The following CEP250 variants were observed in gnomAD, a reference collection of about 807,000 sequenced individuals.
CEP250 encodes the protein centrosomal protein 250, also known as centrosome-associated protein CEP250.
A neutral mutation model predicts 315.7 loss-of-function variants in CEP250; 242 were observed. That is an observed-to-expected ratio of 0.77 (90% confidence interval 0.69 to 0.85). CEP250 has a LOEUF of 0.85. Ranked by LOEUF, CEP250 falls within the 40% of genes least tolerant of loss-of-function variation. The pLI, the probability that CEP250 is intolerant of heterozygous loss-of-function variation, is 0.00. For missense variants in CEP250, 2,515 were observed against 2,886.4 expected, an observed-to-expected ratio of 0.87 and a Z score of 2.95; for synonymous variants, 1,088 against 1,175.0, an observed-to-expected ratio of 0.93 and a Z score of 1.51.
In CEP250 at chr20:35,518,851, G is replaced by A. The variant is rs954903166; in HGVS notation, c.*7225G>A. On this transcript the variant is annotated 3_prime_UTR_variant, in exon 35 of 35. Transcript: ENST00000397527. ...GTTGGAGACCAGCCTGGGCAACATG[G>A]TGAAACCCCGTCTCTACTAAAATAC... 1 of 152,084 alleles carries A rather than the reference G, an allele frequency of 6.6e-6. No homozygotes were observed. The highest frequency in any genetic ancestry group is 1.5e-5 in the Non-Finnish European group (1 of 68,052). 9.4% of individuals were successfully genotyped at this position (152,084 alleles called of 1,614,324 possible).
chr20:35,504,295 G>C lies in CEP250; in HGVS notation c.5926G>C (p.Ala1976Pro). ...LQEALGKAHA[A>P]LQGKEQHLLE... ...GGAGGCCCTTGGCAAGGCTCATGCT[G>C]CCCTGCAGGGGAAAGAGCAGCATCT... The change falls in exon 30 of 35, where the codon GCC becomes CCC. Residue 1976 changes from alanine to proline, a missense_variant. Coordinates refer to ENST00000397527, the MANE Select transcript of CEP250 (RefSeq NM_007186.6). The C allele has an allele frequency of 6.3e-7, 1 of 1,587,210 alleles. No individual in the cohort carries two copies. The highest frequency in any genetic ancestry group is 8.6e-7 in the Non-Finnish European group (1 of 1,167,128).
intron 9 of CEP250, among the ~76,000 whole-genome samples, chr20:35,468,672 A>G (rs1183854835): frequency 6.6e-6 from 1 of 151,976 alleles, no homozygotes; most frequent in South Asian, 2.1e-4. Context: ...GACACTCAAT[A>G]CATTTTGTTT....
At position 35,464,648 on chromosome 20, in the gene CEP250, C is replaced by T. The variant is rs904381043; in HGVS notation, c.243+1017C>T. On this transcript the variant is annotated intron_variant, in intron 5 of 34. Transcript: ENST00000397527. The stretch of plus-strand genomic sequence containing the variant: ...TCATAAGTTGAAAATGTCAGCCAGG[C>T]GCAGTGGCTCATGCCTGTAATCCCA... 1.6e-4 allele frequency among the ~76,000 whole-genome samples: 25 copies of T among 152,150 alleles called. 1 individual carries two copies. The highest frequency in any genetic ancestry group is 5.5e-4 in the African/African-American group (23 of 41,452).
At position 35,480,143 on chromosome 20, in the gene CEP250, T is replaced by C. The variant is rs2063305419; in HGVS notation, c.2584T>C (p.Trp862Arg). The change falls in exon 20 of 35, where the codon TGG becomes CGG. Residue 862 changes from tryptophan to arginine, a missense_variant and splice_region_variant. Physicochemically the swap from Trp to Arg is moderately radical, Grantham distance 101. Coordinates refer to ENST00000397527, the MANE Select transcript of CEP250 (RefSeq NM_007186.6). Reference sequence around the variant, plus strand: ...AGAGGTGAACCAGCTCCGGGAGAAATGGGTAAGTGGTCAATGTGGCCGGGT... The same window carrying C: ...AGAGGTGAACCAGCTCCGGGAGAAACGGGTAAGTGGTCAATGTGGCCGGGT... ...EKEVNQLREK[W>R]EKERSWHQQE... is the part of the protein sequence containing the mutation. The C allele has an allele frequency of 1.2e-6, 2 of 1,610,448 alleles. No homozygotes were observed. Among genetic ancestry groups the C allele is most frequent in the Non-Finnish European group, 8.5e-7 (1 of 1,179,248 alleles).
At position 35,502,826 on chromosome 20, in the gene CEP250, G is replaced by C. The variant is rs2064051348; in HGVS notation, c.4457G>C (p.Arg1486Thr). 1.2e-6 allele frequency: 2 copies of C among 1,614,114 alleles called. No homozygotes were observed. The change falls in exon 30 of 35, where the codon AGG becomes ACG. Residue 1486 changes from arginine to threonine, a missense_variant. By Grantham distance (71) the Arg-to-Thr change is moderately conservative (BLOSUM62 -1). Transcript: ENST00000397527. Reference protein sequence around the residue: ...QEQIQELEKCRSVLEHLPMAV... With the variant: ...QEQIQELEKCTSVLEHLPMAV... ...CAGATTCAGGAGCTAGAGAAGTGTA[G>C]GTCTGTTTTAGAGCATCTGCCCATG...
Position 35,514,929 on chromosome 20 carries a change from T to TA in CEP250, c.*3306dup, listed in dbSNP as rs1233052405. The TA allele has an allele frequency of 6.6e-6, 1 of 152,154 alleles. No individual in the cohort carries two copies. The highest frequency in any genetic ancestry group is 1.5e-5 in the Non-Finnish European group (1 of 68,026). The allele number at this position is 152,154 out of a possible 1,614,324, so 9.4% of individuals were successfully genotyped here. On this transcript the variant is annotated 3_prime_UTR_variant, in exon 35 of 35. Transcript: ENST00000397527. Reference sequence around the variant, plus strand: ...GGAGTTCTGTTGTCCACGTTATTCTTAAAGCCCAGAATAGGCCCTGTTTTA... The same window carrying TA: ...GGAGTTCTGTTGTCCACGTTATTCTTAAAAGCCCAGAATAGGCCCTGTTTTA...
At position 35,475,488 on chromosome 20, in the gene CEP250, C is replaced by T; in HGVS notation, c.1572-14C>T. The T allele has an allele frequency of 6.2e-7, 1 of 1,613,732 alleles. No homozygotes were observed. The highest frequency in any genetic ancestry group is 8.5e-7 in the Non-Finnish European group (1 of 1,179,772). On this transcript the variant is annotated splice_polypyrimidine_tract_variant and intron_variant, in intron 14 of 34. Coordinates refer to ENST00000397527, the MANE Select transcript of CEP250 (RefSeq NM_007186.6). Reference sequence around the variant, plus strand: ...CCTAAGAGTTCCTCTAGACCCCTCTCTTTCCCATCTTAGTCAGGAGATGCT... The same window carrying T: ...CCTAAGAGTTCCTCTAGACCCCTCTTTTTCCCATCTTAGTCAGGAGATGCT...
chr20:35,472,010 G>T, intron 10 of CEP250, 40 bp from the exon 11 acceptor site: 1 of 1,211,910 alleles, frequency 8.3e-7, no homozygotes, highest in South Asian at 1.2e-5. Context: ...ATTCACTTTT[G>T]AGAGTTTGGC....
Position 35,477,984 on chromosome 20 carries a change from A to G in CEP250, c.1977A>G (p.Glu659=), listed in dbSNP as rs1283336454. 3 of 1,613,822 alleles carry G rather than the reference A, an allele frequency of 1.9e-6. No individual in the cohort carries two copies. In the African/African-American group the frequency reaches 4.0e-5, roughly 22 times the overall value. The change falls in exon 17 of 35, where the codon GAA becomes GAG. Residue 659 remains glutamate, a synonymous_variant. Coordinates refer to ENST00000397527, the MANE Select transcript of CEP250 (RefSeq NM_007186.6). ...EAEKRREALW[E]KNTHLEAQLQ... ...AGAAGAGGAGGGAAGCCCTGTGGGA[A>G]AAGAACACTCACCTGGAGGCTCAGC... is the stretch of plus-strand genomic sequence containing the variant.
At position 35,512,672 on chromosome 20, in the gene CEP250, G is replaced by A. The variant is rs1319335789; in HGVS notation, c.*1046G>A. On this transcript the variant is annotated 3_prime_UTR_variant, in exon 35 of 35. Transcript: ENST00000397527. ...GCTCACAGGCTTAAGACCTATTGCT[G>A]GCAACCTCCTCAAAGCCTAAAAATT... 2 of 152,152 alleles carry A rather than the reference G, an allele frequency of 1.3e-5. No homozygotes were observed. Among genetic ancestry groups the A allele is most frequent in the Admixed American group, 1.3e-4 (2 of 15,272 alleles). 9.4% of individuals were successfully genotyped at this position (152,152 alleles called of 1,614,324 possible).
chr20:35,457,219 G>T (rs1405720050), intron 1 of CEP250, among the ~76,000 whole-genome samples: 2 of 152,118 alleles, frequency 1.3e-5, no homozygotes, highest in African/African-American at 4.8e-5. Context: ...CTGTGTTTTA[G>T]GTAGGAGCTG....
chr20:35,483,403 A>C (rs2063413659), intron 20 of CEP250, among the ~76,000 whole-genome samples: 1 of 151,640 alleles, frequency 6.6e-6, no homozygotes, highest in South Asian at 2.1e-4. Context: ...CCCAGGCTGG[A>C]GTATAATGAT....
chr20:35,502,295 T>A, intron 29 of CEP250, 95 bp from the exon 30 acceptor site: 1 of 1,140,104 alleles, frequency 8.8e-7, no homozygotes, highest in Non-Finnish European at 1.2e-6. Flanking sequence ...TCCTTATCAC[T>A]GCTAGTGCCA....
rs78684002 is a variant in CEP250, at chr20:35,517,402, G to A, written c.*5776G>A. On this transcript the variant is annotated 3_prime_UTR_variant, in exon 35 of 35. Transcript: ENST00000397527. ...ATGTTGTATATCTGAGAGAGGAGCT[G>A]CCTATTCACAGTGTAGGGTTGTCAA... 4 of 152,320 alleles carry A rather than the reference G, an allele frequency of 2.6e-5. No individual in the cohort carries two copies. The highest frequency in any genetic ancestry group is 3.9e-4 in the East Asian group (2 of 5,184). The allele number at this position is 152,320 out of a possible 1,614,324, so 9.4% of individuals were successfully genotyped here. A position where few individuals can be genotyped will look rare whatever the true frequency, so the allele number is the denominator to read the frequency against.
In CEP250 at chr20:35,504,406, C is replaced by A; in HGVS notation, c.6037C>A (p.Arg2013=). ...CCTGGATGCCTGCCAGGCACACAGT[C>A]GGCAGCTGGAGGAGGCTCTGAGGAT... The part of the protein sequence containing the change: ...ASLDACQAHS[R]QLEEALRIQE... Residue 2013 remains arginine (R), a synonymous_variant, in exon 30 of 35, where the codon CGG becomes AGG. Transcript: ENST00000397527. The A allele has an allele frequency of 1.2e-6, 2 of 1,605,574 alleles. No homozygotes were observed. The highest frequency in any genetic ancestry group is 1.7e-6 in the Non-Finnish European group (2 of 1,176,016).
At position 35,516,836 on chromosome 20, in the gene CEP250, G is replaced by A. The variant is rs1411614454; in HGVS notation, c.*5210G>A. 4 of 236,060 alleles carry A rather than the reference G, an allele frequency of 1.7e-5. No individual in the cohort carries two copies. The highest frequency in any genetic ancestry group is 2.8e-5 in the Non-Finnish European group (4 of 144,714). 14.6% of individuals were successfully genotyped at this position (236,060 alleles called of 1,614,324 possible). A position where few individuals can be genotyped will look rare whatever the true frequency, so the allele number is the denominator to read the frequency against. The stretch of plus-strand genomic sequence containing the variant: ...GTCAAGCCAGTTGGATGCACGGGTT[G>A]TGTGGAGTCCAGGGGTACATCCAGA... On this transcript the variant is annotated 3_prime_UTR_variant, in exon 35 of 35. Transcript: ENST00000397527.
In CEP250 at chr20:35,467,566, C is replaced by T. The variant is rs1175970408; in HGVS notation, c.851+11C>T. 6.2e-7 allele frequency: 1 copy of T among 1,612,014 alleles called. No homozygotes were observed. The highest frequency in any genetic ancestry group is 2.2e-5 in the East Asian group (1 of 44,864). The stretch of plus-strand genomic sequence containing the variant: ...TGAACTTCAGGACCGGTGAGATGGC[C>T]TGGGGTCCCAAGAAGGGTTCGCTGA... On this transcript the variant is annotated intron_variant, in intron 9 of 34. Coordinates refer to ENST00000397527, the MANE Select transcript of CEP250 (RefSeq NM_007186.6).
chr20:35,463,195 G>C (rs2062796168), intron 4 of CEP250, among the ~76,000 whole-genome samples: 1 of 152,214 alleles, frequency 6.6e-6, no homozygotes, highest in Non-Finnish European at 1.5e-5. Context: ...CTGAGGTCAG[G>C]AGTTTGAGAC....
intron 25 of CEP250, among the ~76,000 whole-genome samples, 175 bp from the exon 26 acceptor site, chr20:35,497,544 G>C (rs1347533188): frequency 6.6e-6 from 1 of 152,098 alleles, no homozygotes. Context: ...GCAGCCAGGT[G>C]TTAGATCTAG....
Sources: gnomAD v4.1 joint callset for allele counts (sites outside exome capture counted in the v4.1 genomes callset) on GRCh38, gnomAD v4.1.1 for gene constraint, MANE v1.5 for transcripts, NCBI Gene and HGNC (gene_info 2026-07-23, HGNC 2026-07-21) for gene names.